COL14A1: variants seen among roughly 807,000 people sequenced by gnomAD.
The protein encoded by COL14A1 is collagen type XIV alpha 1 chain.
A neutral mutation model predicts 230.3 loss-of-function variants in COL14A1; 136 were observed. That is an observed-to-expected ratio of 0.59 (90% CI 0.51 to 0.68). COL14A1 has a LOEUF of 0.68. Among genes scored for constraint, COL14A1 ranks in the 30% least tolerant of loss-of-function variants. The pLI is 0.00. For synonymous variants in COL14A1, 792 were observed against 784.1 expected, an observed-to-expected ratio of 1.01 and a Z score of -0.17; for missense variants, 1,976 against 2,215.8, an observed-to-expected ratio of 0.89 and a Z score of 2.17.
intron 45 of COL14A1, among the ~76,000 whole-genome samples, chr8:120,364,931 A>C (rs1823356646): frequency 6.6e-6 from 1 of 151,918 alleles, no homozygotes; most frequent in Admixed American, 6.6e-5. Context: ...AATAAAAGCT[A>C]AAATTCCTTG....
intron 45 of COL14A1, among the ~76,000 whole-genome samples, chr8:120,350,416 G>T (rs80147962): frequency 0.35 from 38,856 of 109,478 alleles, 6,900 homozygotes; most frequent in African/African-American, 0.48. Context: ...TGGACTAAAT[G>T]CTCCAATTAA....
At position 120,196,780 on chromosome 8, in the gene COL14A1, G is replaced by A. The variant is rs188819739; in HGVS notation, c.437-11G>A. 9.9e-6 allele frequency: 16 copies of A among 1,612,742 alleles called. No individual in the cohort carries two copies. The highest frequency in any genetic ancestry group is 1.3e-5 in the African/African-American group (1 of 74,962). On this transcript the variant is annotated splice_polypyrimidine_tract_variant and intron_variant, in intron 5 of 47. Transcript: ENST00000297848. Reference sequence around the variant, plus strand: ...AGTAACACATGCGCTTTTCTGGTTTGTGCTTTGCAGAAGTGAAATTTGTCT... The same window carrying A: ...AGTAACACATGCGCTTTTCTGGTTTATGCTTTGCAGAAGTGAAATTTGTCT...
At chr8:120,371,007 G>A in intron 47 of COL14A1, 145 bp from the exon 48 acceptor site, 1 of 1,029,440 alleles carries the variant, frequency 9.7e-7, no homozygotes, top group Admixed American at 2.4e-5. Context: ...TTATGGGGAA[G>A]GTACAAGGGG....
At chr8:120,185,451 T>C (rs1816621574) in intron 5 of COL14A1, among the ~76,000 whole-genome samples, 1 of 151,932 alleles carries the variant, frequency 6.6e-6, no homozygotes, top group Admixed American at 6.6e-5. Context: ...GCCCAGGAGT[T>C]CGAGACCAGC....
At chr8:120,254,556 A>T (rs1819076978) in intron 22 of COL14A1, among the ~76,000 whole-genome samples, 1 of 152,074 alleles carries the variant, frequency 6.6e-6, no homozygotes, top group African/African-American at 2.4e-5. Context: ...TTTATTATAC[A>T]AGTATTACAT....
chr8:120,312,792 C>A (rs7004099), intron 37 of COL14A1, among the ~76,000 whole-genome samples: 79,215 of 151,976 alleles, frequency 0.52, 22,358 homozygotes, highest in African/African-American at 0.76. Context: ...CACTTTACCC[C>A]ACAATGCCTT....
rs527985166 is a variant in COL14A1 at position 120,356,680 on chromosome 8, A to T, written c.5078-10491A>T. 2.6e-5 allele frequency among the ~76,000 whole-genome samples: 4 copies of T among 152,176 alleles called. No homozygotes were observed. In the South Asian group the frequency reaches 8.3e-4, roughly 32 times the overall value. On this transcript the variant is annotated intron_variant, in intron 45 of 47. Coordinates refer to ENST00000297848, the MANE Select transcript of COL14A1 (RefSeq NM_021110.4). The stretch of plus-strand genomic sequence containing the variant: ...GGATAACATATCCTGTACTCCAGCC[A>T]GGAGTACAGAGCACTCCAGCCAGGT...
chr8:120,335,516 T>C (rs546938924), intron 42 of COL14A1, among the ~76,000 whole-genome samples: 1 of 152,284 alleles, frequency 6.6e-6, no homozygotes, highest in Admixed American at 6.5e-5. Flanking sequence ...TCCCAGATGC[T>C]TGCTGGCGGC....
chr8:120,291,588 A>G (rs1304290490), intron 34 of COL14A1, among the ~76,000 whole-genome samples: 1 of 151,250 alleles, frequency 6.6e-6, no homozygotes, highest in Non-Finnish European at 1.5e-5. Flanking sequence ...AAAACCAAAA[A>G]ACCACAAAGA....
chr8:120,286,444 T>A (rs1586832691), intron 33 of COL14A1, among the ~76,000 whole-genome samples: 1 of 152,252 alleles, frequency 6.6e-6, no homozygotes, highest in South Asian at 2.1e-4. Flanking sequence ...ATCATAACAG[T>A]TACCCTGCGG....
At chr8:120,207,572 C>T (rs1303333183) in intron 10 of COL14A1, among the ~76,000 whole-genome samples, 2 of 152,110 alleles carry the variant, frequency 1.3e-5, no homozygotes, top group Non-Finnish European at 2.9e-5. Flanking sequence ...ATAATAAAGC[C>T]GCTATGGCTG....
At chr8:120,320,605 A>G (rs1821403484) in intron 40 of COL14A1, among the ~76,000 whole-genome samples, 1 of 152,228 alleles carries the variant, frequency 6.6e-6, no homozygotes, top group Admixed American at 6.5e-5. Context: ...TCTAAGTAAT[A>G]TTTTGTAAAA....
chr8:120,288,569 A>G (rs1384309887), intron 33 of COL14A1, among the ~76,000 whole-genome samples: 3 of 152,164 alleles, frequency 2.0e-5, no homozygotes, highest in Non-Finnish European at 4.4e-5. Flanking sequence ...TGTATTGCCC[A>G]AGATTGTTTT....
chr8:120,247,224 C>T (rs1275187900), intron 20 of COL14A1, among the ~76,000 whole-genome samples: 8 of 152,178 alleles, frequency 5.3e-5, no homozygotes, highest in Admixed American at 5.2e-4. Flanking sequence ...GAGATCAAGA[C>T]CATCTTGGCT....
At position 120,325,772 on chromosome 8, in the gene COL14A1, C is replaced by T. The variant is rs1821643708; in HGVS notation, c.4660-6369C>T. Reference sequence around the variant, plus strand: ...CCTCCCAAAGTGCTAGGATTACAGCCATGAGCCACTGCACCTGGCCACATG... The same window carrying T: ...CCTCCCAAAGTGCTAGGATTACAGCTATGAGCCACTGCACCTGGCCACATG... On this transcript the variant is annotated intron_variant, in intron 40 of 47. Coordinates refer to ENST00000297848, the MANE Select transcript of COL14A1 (RefSeq NM_021110.4). Among the ~76,000 whole-genome samples the T allele has an allele frequency of 1.3e-5, 2 of 152,132 alleles. 1 individual carries two copies. Among genetic ancestry groups the T allele is most frequent in the Non-Finnish European group, 2.9e-5 (2 of 68,024 alleles).
intron 39 of COL14A1, 72 bp downstream of exon 39, chr8:120,315,658 C>T (rs919654614): frequency 7.2e-6 from 9 of 1,243,556 alleles, no homozygotes; most frequent in Non-Finnish European, 1.0e-5. Flanking sequence ...AAAGCTGTAG[C>T]TTCTGAAGTC....
At chr8:120,128,220 T>TGCGC (rs141192017) in intron 1 of COL14A1, among the ~76,000 whole-genome samples, 1,696 of 122,878 alleles carry the variant, frequency 0.014, 17 homozygotes, top group Middle Eastern at 0.031. Flanking sequence ...TGTGTGTGTG[T>TGCGC]GCGCGCGCGT....
intron 40 of COL14A1, among the ~76,000 whole-genome samples, chr8:120,328,801 G>C (rs1361472203): frequency 1.3e-5 from 2 of 152,152 alleles, no homozygotes; most frequent in Non-Finnish European, 2.9e-5. Flanking sequence ...GCAATTTTCT[G>C]CAGTTTCTTT....
At chr8:120,355,427 A>G (rs1822945445) in intron 45 of COL14A1, among the ~76,000 whole-genome samples, 1 of 150,196 alleles carries the variant, frequency 6.7e-6, no homozygotes, top group South Asian at 2.1e-4. Flanking sequence ...TCTCTTGGAG[A>G]CAGGGTCTTG....
Sources: gnomAD v4.1 joint callset for allele counts (sites outside exome capture counted in the v4.1 genomes callset) on GRCh38, gnomAD v4.1.1 for gene constraint, MANE v1.5 for transcripts, NCBI Gene and HGNC (gene_info 2026-07-23, HGNC 2026-07-21) for gene names.